SAFB2: variants seen among roughly 807,000 people sequenced by gnomAD.
SAFB2 encodes scaffold attachment factor B2.
Under a neutral mutation model 100.6 loss-of-function variants are expected in SAFB2, and 32 were observed. That is an observed-to-expected ratio of 0.32 (90% CI 0.24 to 0.43). SAFB2 has a LOEUF of 0.43. SAFB2 is among the 20% of genes least tolerant of loss of function. The pLI, the probability that SAFB2 is intolerant of heterozygous loss-of-function variation, is 1.00. For missense variants in SAFB2, 1,185 were observed against 1,163.4 expected (o/e 1.02, Z -0.27); for synonymous variants, 500 against 439.4 (o/e 1.14, Z -1.72).
At chr19:5,613,802 G>A in intron 4 of SAFB2, 1 of 935,928 alleles carries the variant, frequency 1.1e-6, no homozygotes, top group Non-Finnish European at 1.3e-6. Flanking sequence ...CAGTTTCTAA[G>A]TACTGGTGAT....
intron 9 of SAFB2, 143 bp from the exon 10 acceptor site, chr19:5,605,079 C>A: frequency 1.1e-6 from 1 of 892,964 alleles, no homozygotes; most frequent in Non-Finnish European, 1.7e-6. Flanking sequence ...TGAATTGGTT[C>A]TAATTAATCC....
chr19:5,599,194 C>T (rs1230783556), intron 12 of SAFB2, among the ~76,000 whole-genome samples: 1 of 152,158 alleles, frequency 6.6e-6, no homozygotes, highest in African/African-American at 2.4e-5. Flanking sequence ...ACTCTAAACC[C>T]ACACAGCTCC....
At chr19:5,622,469 AG>A in intron 1 of SAFB2, 60 bp downstream of exon 1, 2 of 1,434,882 alleles carry the variant, frequency 1.4e-6, no homozygotes, top group Non-Finnish European at 1.8e-6. Flanking sequence ...CCGCGGTGAC[AG>A]GTGCAGGCGG....
At chr19:5,597,027 C>A (rs755913838) in intron 13 of SAFB2, among the ~76,000 whole-genome samples, 2 of 152,116 alleles carry the variant, frequency 1.3e-5, no homozygotes, top group South Asian at 4.1e-4. Context: ...CATCACCCAG[C>A]ACTTTGATGG....
intron 11 of SAFB2, among the ~76,000 whole-genome samples, chr19:5,604,373 C>T (rs572729635): frequency 6.6e-6 from 1 of 152,200 alleles, no homozygotes; most frequent in East Asian, 1.9e-4. Flanking sequence ...GCCTAGGCAA[C>T]AGAGTGAGTC....
intron 4 of SAFB2, among the ~76,000 whole-genome samples, chr19:5,615,746 G>C (rs1339778206): frequency 1.3e-5 from 2 of 152,060 alleles, no homozygotes; most frequent in Non-Finnish European, 2.9e-5. Context: ...TATTTTAAAA[G>C]GAAAAAACTA....
Position 5,593,902 on chromosome 19 carries a change from G to T in SAFB2, c.2196C>A (p.Tyr732Ter), listed in dbSNP as rs1340635797. Residue 732 changes from tyrosine to a stop codon, truncating the protein, a stop_gained, in exon 15 of 21, where the codon TAC (tyrosine) becomes TAA (stop). Coordinates refer to ENST00000252542, the MANE Select transcript of SAFB2 (RefSeq NM_014649.3). LOFTEE classifies it high-confidence loss of function. ...EQERRPGRRPYDLDRRDDAYW... is the reference protein window; with the variant it reads ...EQERRPGRRP ...TGGGCGGGACTCACCGGTCCAGGTC[G>T]TAGGGCCTCCGCCCGGGCCGCCGCT... is the stretch of plus-strand genomic sequence containing the variant. 3 of 1,511,720 alleles carry T rather than the reference G, an allele frequency of 2.0e-6. No homozygotes were observed. The highest frequency in any genetic ancestry group is 2.6e-6 in the Non-Finnish European group (3 of 1,141,774). 93.6% of individuals were successfully genotyped at this position (1,511,720 alleles called of 1,614,324 possible). A position where few individuals can be genotyped will look rare whatever the true frequency, so the allele number is the denominator to read the frequency against.
At chr19:5,620,858 T>TA (rs1296683259) in intron 2 of SAFB2, among the ~76,000 whole-genome samples, 3 of 152,062 alleles carry the variant, frequency 2.0e-5, no homozygotes, top group Admixed American at 6.5e-5. Context: ...ACCGTAATAG[T>TA]AAAAAATAGG....
chr19:5,622,553 C>G lies in SAFB2; in HGVS notation c.163G>C (p.Val55Leu). The part of the protein sequence containing the change: ...RNLDTGGNKS[V>L]LMERLKKAVK... ...ACCTTCTTGAGCCGCTCCATCAGGA[C>G]GCTCTTGTTGCCGCCCGTGTCCAGG... is the stretch of plus-strand genomic sequence containing the variant. Residue 55 changes from valine to leucine, a missense_variant, in exon 1 of 21, where the codon GTC (valine) becomes CTC (leucine). By Grantham distance (32) the Val-to-Leu change is conservative. Around this residue, in one of 3 missense-constraint regions of SAFB2, gnomAD observed 351 missense variants for 341.2 expected, o/e 1.03. Coordinates refer to ENST00000252542, the MANE Select transcript of SAFB2 (RefSeq NM_014649.3). The G allele has an allele frequency of 6.2e-7, 1 of 1,613,248 alleles. No homozygotes were observed. The highest frequency in any genetic ancestry group is 8.5e-7 in the Non-Finnish European group (1 of 1,179,718).
intron 18 of SAFB2, among the ~76,000 whole-genome samples, chr19:5,590,011 T>C (rs1216741729): frequency 1.3e-5 from 2 of 152,090 alleles, no homozygotes; most frequent in Non-Finnish European, 2.9e-5. Context: ...GATCGAGACA[T>C]TCACAACTGC....
chr19:5,611,879 C>A, intron 6 of SAFB2: 1 of 644,356 alleles, frequency 1.6e-6, no homozygotes. Flanking sequence ...TACAACCACG[C>A]GGCTGGTTCT....
intron 13 of SAFB2, 112 bp from the exon 14 acceptor site, chr19:5,595,609 A>G: frequency 7.4e-7 from 1 of 1,348,146 alleles, no homozygotes; most frequent in East Asian, 2.4e-5. Flanking sequence ...CATGGTGTAG[A>G]TGGAAGGCTG....
At position 5,609,546 on chromosome 19, in the gene SAFB2, C is replaced by T. The variant is rs982895319; in HGVS notation, c.1296+449G>A. ...CTCCAACTCCTGACTTTAGGTGATA[C>T]GCCCGCCTCGGCCTCCCAAATTATT... On this transcript the variant is annotated intron_variant, in intron 9 of 20. Transcript: ENST00000252542. Among the ~76,000 whole-genome samples the T allele has an allele frequency of 2.6e-5, 4 of 152,152 alleles. No individual in the cohort carries two copies. In the South Asian group the frequency reaches 6.2e-4, roughly 24 times the overall value.
At chr19:5,603,791 A>G (rs993468555) in intron 11 of SAFB2, among the ~76,000 whole-genome samples, 8 of 152,236 alleles carry the variant, frequency 5.3e-5, no homozygotes, top group African/African-American at 1.9e-4. Context: ...CATCTGTCAG[A>G]CACAGCACCA....
At chr19:5,598,072 T>C (rs1344137548) in intron 13 of SAFB2, among the ~76,000 whole-genome samples, 4 of 150,900 alleles carry the variant, frequency 2.7e-5, no homozygotes, top group African/African-American at 7.3e-5. Context: ...GAGGCAGTGG[T>C]TGCAGTGAGC....
At chr19:5,595,179 C>T (rs1477209489) in intron 14 of SAFB2, among the ~76,000 whole-genome samples, 182 bp downstream of exon 14, 1 of 152,206 alleles carries the variant, frequency 6.6e-6, no homozygotes, top group Non-Finnish European at 1.5e-5. Context: ...CCTGGCATGT[C>T]TGGCGGCTCA....
chr19:5,598,932 C>T, intron 12 of SAFB2, 48 bp from the exon 13 acceptor site: 2 of 1,572,822 alleles, frequency 1.3e-6, no homozygotes, highest in Non-Finnish European at 8.7e-7. Flanking sequence ...GACGCCCCAA[C>T]TTCCCGCAGT....
In SAFB2 at chr19:5,587,787, T is replaced by C; in HGVS notation, c.2639-20A>G. ...CGCCACCTAGAAGAGAAGAAGGGTCTGCAAACACTCCGTTCCTGGGGAAGC... is the reference window on the plus strand; with the variant it reads ...CGCCACCTAGAAGAGAAGAAGGGTCCGCAAACACTCCGTTCCTGGGGAAGC... On this transcript the variant is annotated intron_variant, in intron 19 of 20. Transcript: ENST00000252542. The surrounding 1 kb of genome is among the most constrained non-coding windows in gnomAD (Gnocchi z 4.9). 2 of 1,553,852 alleles carry C rather than the reference T, an allele frequency of 1.3e-6. No individual in the cohort carries two copies. Among genetic ancestry groups the C allele is most frequent in the Non-Finnish European group, 1.7e-6 (2 of 1,148,406 alleles).
intron 9 of SAFB2, among the ~76,000 whole-genome samples, chr19:5,606,013 A>T (rs1407952183): frequency 6.6e-6 from 1 of 152,234 alleles, no homozygotes; most frequent in Non-Finnish European, 1.5e-5. Flanking sequence ...AGGCTGGGAC[A>T]GCACCACCCA....
Sources: gnomAD v4.1 joint callset for allele counts (sites outside exome capture counted in the v4.1 genomes callset) on GRCh38, gnomAD v4.1.1 for gene constraint, gnomAD v4.1.1 regional missense constraint, Gnocchi (gnomAD v3.1) non-coding constraint, MANE v1.5 for transcripts, NCBI Gene and HGNC (gene_info 2026-07-23, HGNC 2026-07-21) for gene names.